The following COL5A1 variants were observed in gnomAD, a reference collection of about 807,000 sequenced individuals.
The protein encoded by COL5A1 is collagen alpha-1(V) chain.
Under a neutral mutation model 263.7 loss-of-function variants are expected in COL5A1, and 16 were observed. That is an observed-to-expected ratio of 0.06 (90% CI 0.04 to 0.09). The LOEUF is 0.09. COL5A1 is among the 10% of genes least tolerant of loss of function. The pLI is 1.00. For missense variants in COL5A1, 2,036 were observed against 2,540.5 expected (o/e 0.80, Z 4.27); for synonymous variants, 1,012 against 1,004.5 (o/e 1.01, Z -0.14).
intron 9 of COL5A1, among the ~76,000 whole-genome samples, chr9:134,732,943 T>G (rs1834953596): frequency 6.6e-6 from 1 of 152,164 alleles, no homozygotes; most frequent in African/African-American, 2.4e-5. Flanking sequence ...CAGGATGCCC[T>G]GTGATCAGCT....
rs1389614841 is a variant in COL5A1, at chr9:134,821,186, A to G, written c.4555-911A>G. 6.6e-6 allele frequency among the ~76,000 whole-genome samples: 1 copy of G among 151,792 alleles called. No homozygotes were observed. The highest frequency in any genetic ancestry group is 2.4e-5 in the African/African-American group (1 of 41,318). On this transcript the variant is annotated intron_variant, in intron 58 of 65. Transcript: ENST00000371817. This position sits in a 1 kb window ranked among gnomAD's most constrained non-coding sequence, Gnocchi z 4.2. ...GGTGTGGTGGCCCGGCAACCACGAG[A>G]ATTAGAGAGGCATCCAGGGTCCCCA...
intron 52 of COL5A1, among the ~76,000 whole-genome samples, chr9:134,816,269 TCG>T (rs981062043): frequency 1.4e-4 from 21 of 152,308 alleles, no homozygotes; most frequent in African/African-American, 4.6e-4. Context: ...CACCATGGGC[TCG>T]CCCGGGAACG....
At chr9:134,743,609 G>A (rs1047524921) in intron 11 of COL5A1, among the ~76,000 whole-genome samples, 3 of 152,166 alleles carry the variant, frequency 2.0e-5, no homozygotes, top group African/African-American at 7.2e-5. Flanking sequence ...CCACACAGGG[G>A]CACCTCGCTC....
intron 7 of COL5A1, 114 bp from the exon 8 acceptor site, chr9:134,731,382 T>C: frequency 9.4e-7 from 1 of 1,066,930 alleles, no homozygotes; most frequent in Non-Finnish European, 1.4e-6. Context: ...GCCTGATGGA[T>C]CTGGGATCTC....
At chr9:134,815,506 A>G in intron 50 of COL5A1, 70 bp from the exon 51 acceptor site, 1 of 1,499,232 alleles carries the variant, frequency 6.7e-7, no homozygotes, top group South Asian at 1.2e-5. Flanking sequence ...AGGTGGTGAC[A>G]TGATTGGCCG....
At chr9:134,805,270 A>G in intron 41 of COL5A1, 56 bp downstream of exon 41, 1 of 1,596,582 alleles carries the variant, frequency 6.3e-7, no homozygotes, top group Non-Finnish European at 8.6e-7. Context: ...CCAGGTCAGA[A>G]GGGGCAGTCC....
At chr9:134,812,273 C>T (rs761746816) in intron 46 of COL5A1, among the ~76,000 whole-genome samples, 176 bp from the exon 47 acceptor site, 1 of 152,140 alleles carries the variant, frequency 6.6e-6, no homozygotes, top group Non-Finnish European at 1.5e-5. Flanking sequence ...TTCCTCGGGC[C>T]GATTCTGAGA....
In COL5A1 at chr9:134,842,614, C is replaced by T. The variant is rs1134114; in HGVS notation, c.*311C>T. 31,257 of 514,590 alleles carry T rather than the reference C, an allele frequency of 0.061. 1,501 individuals carry two copies. The highest frequency in any genetic ancestry group is 0.15 in the East Asian group (4,359 of 29,470). 31.9% of individuals were successfully genotyped at this position (514,590 alleles called of 1,614,324 possible). The stretch of plus-strand genomic sequence containing the variant: ...CATGCCTCCAGCCCCCCAGCTCGCC[C>T]GACCCATCCTGTTCGTGAATAGGTC... On this transcript the variant is annotated 3_prime_UTR_variant, in exon 66 of 66. Coordinates refer to ENST00000371817, the MANE Select transcript of COL5A1 (RefSeq NM_000093.5). This position sits in a 1 kb window ranked among gnomAD's most constrained non-coding sequence, Gnocchi z 5.8.
chr9:134,769,709 G>A (rs1044917855), intron 25 of COL5A1, among the ~76,000 whole-genome samples: 14 of 152,128 alleles, frequency 9.2e-5, no homozygotes, highest in Non-Finnish European at 1.8e-4. Context: ...GGACCTGGGT[G>A]TGAAGCAGGC....
chr9:134,780,703 C>T (rs1837219616), intron 28 of COL5A1, among the ~76,000 whole-genome samples: 1 of 152,260 alleles, frequency 6.6e-6, no homozygotes, highest in Non-Finnish European at 1.5e-5. Flanking sequence ...CACCCCCATG[C>T]ATGCCTGCCA....
Position 134,745,200 on chromosome 9 carries a change from G to A in COL5A1, c.1495-5342G>A, listed in dbSNP as rs140781190. Among the ~76,000 whole-genome samples the A allele has an allele frequency of 2.0e-3, 299 of 152,350 alleles. 1 individual carries two copies. The highest frequency in any genetic ancestry group is 6.9e-3 in the African/African-American group (287 of 41,582). On this transcript the variant is annotated intron_variant, in intron 11 of 65. Transcript: ENST00000371817. ...GGAGGCAGTGTGTGTCTCCCAAAGC[G>A]AGCTCAGTGTTGAAGATTCATTGGA... is the stretch of plus-strand genomic sequence containing the variant.
chr9:134,726,796 A>G (rs1834672762), intron 4 of COL5A1, among the ~76,000 whole-genome samples: 1 of 143,120 alleles, frequency 7.0e-6, no homozygotes, highest in Admixed American at 7.1e-5. Context: ...AAGCATGTAT[A>G]TATGCAGATG....
intron 48 of COL5A1, among the ~76,000 whole-genome samples, 161 bp downstream of exon 48, chr9:134,812,873 A>T (rs1838591061): frequency 6.6e-6 from 1 of 151,776 alleles, no homozygotes; most frequent in Non-Finnish European, 1.5e-5. Context: ...CAGAGATGAG[A>T]AGTACTCATT....
rs1002810498 is a variant in COL5A1 at position 134,841,035 on chromosome 9, G to A, written c.5371-1122G>A. Among the ~76,000 whole-genome samples, 10 of 152,202 alleles carry A rather than the reference G, an allele frequency of 6.6e-5. No individual in the cohort carries two copies. Among genetic ancestry groups the A allele is most frequent in the East Asian group, 3.9e-4 (2 of 5,184 alleles). The stretch of plus-strand genomic sequence containing the variant: ...CCGAATCTCCGGCCTGGGAGTCTGC[G>A]CTGGGCCCTCTGCAGGGCTGCATCC... On this transcript the variant is annotated intron_variant, in intron 65 of 65. Transcript: ENST00000371817. This position sits in a 1 kb window ranked among gnomAD's most constrained non-coding sequence, Gnocchi z 4.8.
At chr9:134,827,888 G>T (rs1212407888) in intron 63 of COL5A1, among the ~76,000 whole-genome samples, 1 of 152,276 alleles carries the variant, frequency 6.6e-6, no homozygotes. Flanking sequence ...GACAGTGGCA[G>T]ATTTGGAAAC....
chr9:134,748,773 G>A lies in COL5A1; in HGVS notation c.1495-1769G>A, dbSNP rs528753489. On this transcript the variant is annotated intron_variant, in intron 11 of 65. Coordinates refer to ENST00000371817, the MANE Select transcript of COL5A1 (RefSeq NM_000093.5). ...AATATGTTAGCACGTCTGTCGGGCA[G>A]TGTTTGTCATAATGCAAACTGGAAC... Among the ~76,000 whole-genome samples, 9 of 152,324 alleles carry A rather than the reference G, an allele frequency of 5.9e-5. No homozygotes were observed. In the South Asian group the frequency reaches 1.9e-3, roughly 32 times the overall value.
At chr9:134,822,814 G>T in intron 59 of COL5A1, 184 bp from the exon 60 acceptor site, 1 of 725,506 alleles carries the variant, frequency 1.4e-6, no homozygotes, top group South Asian at 1.6e-5. Context: ...CTCCACGAGG[G>T]GTGAGCACCA....
chr9:134,713,500 A>G (rs1588462771), intron 4 of COL5A1, among the ~76,000 whole-genome samples: 1 of 152,252 alleles, frequency 6.6e-6, no homozygotes, highest in East Asian at 1.9e-4. Context: ...ATTGGTTGAC[A>G]GAATGAAGAC....
chr9:134,777,036 G>A (rs1019278133), intron 27 of COL5A1, among the ~76,000 whole-genome samples: 2 of 152,214 alleles, frequency 1.3e-5, no homozygotes, highest in African/African-American at 4.8e-5. Flanking sequence ...CACCATATGA[G>A]TTTTTGGTGG....
Sources: allele counts gnomAD v4.1 joint callset (sites outside exome capture counted in the v4.1 genomes callset), GRCh38; gene constraint gnomAD v4.1.1; non-coding constraint Gnocchi (gnomAD v3.1); transcripts MANE v1.5; gene names NCBI Gene and HGNC (gene_info 2026-07-23, HGNC 2026-07-21).